Variants in POU6F1 observed in about 807,000 individuals in gnomAD.
POU6F1 encodes the protein POU domain, class 6, transcription factor 1.
POU6F1 carries 9 observed loss-of-function variants against 28.9 expected under a neutral mutation model. That is an observed-to-expected ratio of 0.31 (90% CI 0.19 to 0.54). The LOEUF is 0.54. POU6F1 is among the 20% of genes least tolerant of loss of function. The pLI is 0.94. For missense variants in POU6F1, 338 were observed against 426.1 expected, an observed-to-expected ratio of 0.79 and a Z score of 1.82; for synonymous variants, 173 against 171.1, an observed-to-expected ratio of 1.01 and a Z score of -0.09.
At chr12:51,215,627 T>C (rs901099088) in intron 1 of POU6F1, among the ~76,000 whole-genome samples, 9 of 150,140 alleles carry the variant, frequency 6.0e-5, no homozygotes, top group Admixed American at 6.6e-5. Flanking sequence ...CAGACCACAC[T>C]GGCCCCTTCC....
intron 5 of POU6F1, chr12:51,198,307 G>A (rs1942979549): frequency 2.5e-6 from 1 of 396,800 alleles, no homozygotes; most frequent in Non-Finnish European, 4.4e-6. Flanking sequence ...CGTGGGGGGA[G>A]AGGGGCAGTC....
intron 7 of POU6F1, among the ~76,000 whole-genome samples, chr12:51,196,459 G>A (rs919250895): frequency 2.6e-5 from 4 of 152,152 alleles, no homozygotes; most frequent in Non-Finnish European, 4.4e-5. Flanking sequence ...CTGAACCTCA[G>A]CCTTCTGTCT....
intron 1 of POU6F1, among the ~76,000 whole-genome samples, chr12:51,212,259 A>C (rs1944048830): frequency 6.6e-6 from 1 of 151,462 alleles, no homozygotes; most frequent in Non-Finnish European, 1.5e-5. Context: ...ATGCCCAGCT[A>C]ATTTTTGTAT....
In POU6F1 at chr12:51,204,262, T is replaced by A. The variant is rs960974582; in HGVS notation, c.155A>T (p.Glu52Val). 3.5e-5 allele frequency: 14 copies of A among 399,048 alleles called. No individual in the cohort carries two copies. The highest frequency in any genetic ancestry group is 2.5e-4 in the African/African-American group (12 of 48,720). 24.7% of individuals were successfully genotyped at this position (399,048 alleles called of 1,614,324 possible). A position where few individuals can be genotyped will look rare whatever the true frequency, so the allele number is the denominator to read the frequency against. The change falls in exon 3 of 11, where the codon GAG becomes GTG. Residue 52 changes from glutamate to valine, a missense_variant. Transcript: ENST00000333640. Reference sequence around the variant, plus strand: ...AGCAGGGTCTCCGCTCTGGGAGCCCTCGGCGGCCACACCCTCCAGTCCTTT... The same window carrying A: ...AGCAGGGTCTCCGCTCTGGGAGCCCACGGCGGCCACACCCTCCAGTCCTTT... The part of the protein sequence containing the change: ...ESKGLEGVAA[E>V]GSQSGDPAEA...
intron 10 of POU6F1, 139 bp downstream of exon 10, chr12:51,191,457 A>C (rs1230719638): frequency 1.9e-6 from 2 of 1,028,690 alleles, no homozygotes; most frequent in Non-Finnish European, 2.8e-6. Flanking sequence ...ATCTACCCTT[A>C]AGATGGTCTT....
In POU6F1 at chr12:51,196,075, C is replaced by A. The variant is rs1376179883; in HGVS notation, c.1074G>T (p.Leu358Phe). The change falls in exon 8 of 11, where the codon TTG becomes TTT. Residue 358 changes from leucine (L) to phenylalanine (F), a missense_variant. Coordinates refer to ENST00000333640, the MANE Select transcript of POU6F1 (RefSeq NM_001330422.2). Reference sequence around the variant, plus strand: ...CAATCACCTGGCCCTGGGCGTTCAACAACAGCTGGGGGGTCACGGCCTGGA... The same window carrying A: ...CAATCACCTGGCCCTGGGCGTTCAAAAACAGCTGGGGGGTCACGGCCTGGA... ...LQVQAVTPQL[L>F]LNAQGQVIAT... The A allele has an allele frequency of 6.2e-7, 1 of 1,607,748 alleles. No homozygotes were observed. Among genetic ancestry groups the A allele is most frequent in the African/African-American group, 1.3e-5 (1 of 74,776 alleles).
At chr12:51,208,723 G>T (rs1257188057) in intron 1 of POU6F1, among the ~76,000 whole-genome samples, 4 of 152,178 alleles carry the variant, frequency 2.6e-5, no homozygotes, top group Non-Finnish European at 4.4e-5. Context: ...GACTGCTTGA[G>T]CCCAGGAGTT....
chr12:51,189,032 C>T lies in POU6F1; in HGVS notation c.*1215G>A, dbSNP rs1190056593. The stretch of plus-strand genomic sequence containing the variant: ...GTCTAGAAGCAAAACTCAATCTGAT[C>T]TGGGGGTGTCCTTGGCTCAGAGGAC... On this transcript the variant is annotated 3_prime_UTR_variant, in exon 11 of 11. Coordinates refer to ENST00000333640, the MANE Select transcript of POU6F1 (RefSeq NM_001330422.2). 6.6e-6 allele frequency: 1 copy of T among 152,196 alleles called. No individual in the cohort carries two copies. Among genetic ancestry groups the T allele is most frequent in the Non-Finnish European group, 1.5e-5 (1 of 68,050 alleles). The allele number at this position is 152,196 out of a possible 1,614,324, so 9.4% of individuals were successfully genotyped here.
rs2137146566 is a variant in POU6F1 at position 51,199,908 on chromosome 12, C to T, written c.245-40G>A. 5.0e-6 allele frequency: 2 copies of T among 399,370 alleles called. No homozygotes were observed. The highest frequency in any genetic ancestry group is 7.1e-5 in the East Asian group (2 of 28,088). 24.7% of individuals were successfully genotyped at this position (399,370 alleles called of 1,614,324 possible). On this transcript the variant is annotated intron_variant, in intron 3 of 10. Coordinates refer to ENST00000333640, the MANE Select transcript of POU6F1 (RefSeq NM_001330422.2). The surrounding 1 kb of genome is among the most constrained non-coding windows in gnomAD (Gnocchi z 4.1). ...GAGAGAAAGAAGGACAAGGAGTGAG[C>T]CTGACGTGAGTGGAGGGGTCACCAC...
chr12:51,196,129 C>T lies in POU6F1; in HGVS notation c.1020G>A (p.Ala340=), dbSNP rs575728452. The change falls in exon 8 of 11, where the codon GCG becomes GCA. Residue 340 remains alanine, a synonymous_variant. Transcript: ENST00000333640. ...LPWVVNSASV[A]APAPAQSLQV... is the part of the protein sequence containing the mutation. The stretch of plus-strand genomic sequence containing the variant: ...GCAGGCTTTGGGCTGGTGCTGGGGC[C>T]GCCACACTAGCTGAGTTCACTACCC... The T allele has an allele frequency of 9.2e-5, 144 of 1,572,310 alleles. No individual in the cohort carries two copies. Among genetic ancestry groups the T allele is most frequent in the East Asian group, 2.3e-4 (10 of 44,120 alleles).
At chr12:51,212,062 GTTTTTTTTTTT>G (rs199581732) in intron 1 of POU6F1, among the ~76,000 whole-genome samples, 10,096 of 138,584 alleles carry the variant, frequency 0.073, 575 homozygotes, top group East Asian at 0.26. Context: ...CTTGCCTTTC[GTTTTTTTTTTT>G]GTTTTTTTTG....
In POU6F1 at chr12:51,191,607, T is replaced by C. The variant is rs1467014791; in HGVS notation, c.1479A>G (p.Ser493=). The C allele has an allele frequency of 6.2e-7, 1 of 1,613,190 alleles. No homozygotes were observed. The highest frequency in any genetic ancestry group is 1.1e-5 in the South Asian group (1 of 91,050). The change falls in exon 10 of 11, where the codon TCA becomes TCG. Residue 493 remains serine (S), a synonymous_variant. Coordinates refer to ENST00000333640, the MANE Select transcript of POU6F1 (RefSeq NM_001330422.2). ...GCAGCCTTACTCACCGGCAGATGGC[T>C]GACTGGCTGTAGGCTGGACCTTCCG... ...TATEGPAYSQ[S]AICRFEKLDI...
intron 1 of POU6F1, among the ~76,000 whole-genome samples, chr12:51,211,758 TAATA>T (rs762623599): frequency 2.6e-5 from 4 of 152,008 alleles, no homozygotes; most frequent in African/African-American, 4.8e-5. Flanking sequence ...ACCTTGTCCC[TAATA>T]AATAAATAAA....
At chr12:51,205,033 GC>G (rs1943481044) in intron 2 of POU6F1, among the ~76,000 whole-genome samples, 2 of 140,780 alleles carry the variant, frequency 1.4e-5, no homozygotes, top group African/African-American at 5.3e-5. Context: ...CTGGACTGCA[GC>G]TTTTTTTTTT....
Position 51,187,893 on chromosome 12 carries a change from T to C in POU6F1, c.*2354A>G, listed in dbSNP as rs528165153. 3 of 152,282 alleles carry C rather than the reference T, an allele frequency of 2.0e-5. No individual in the cohort carries two copies. The highest frequency in any genetic ancestry group is 3.9e-4 in the East Asian group (2 of 5,178). The allele number at this position is 152,282 out of a possible 1,614,324, so 9.4% of individuals were successfully genotyped here. On this transcript the variant is annotated 3_prime_UTR_variant, in exon 11 of 11. Transcript: ENST00000333640. ...TTTGTCTCTCTCAAAAAAGAAAGCA[T>C]ACCTGAATGCAAGCGTCTGAGCATG... is the stretch of plus-strand genomic sequence containing the variant.
At position 51,187,736 on chromosome 12, in the gene POU6F1, G is replaced by A. The variant is rs796722866; in HGVS notation, c.*2511C>T. On this transcript the variant is annotated 3_prime_UTR_variant, in exon 11 of 11. Transcript: ENST00000333640. The stretch of plus-strand genomic sequence containing the variant: ...GGGAGGGGCTGAGAAAGCATGGCCA[G>A]GCCTAATTTAGACCAGTGGTTCATG... The A allele has an allele frequency of 5.9e-5, 9 of 152,320 alleles. No individual in the cohort carries two copies. The highest frequency in any genetic ancestry group is 2.2e-4 in the African/African-American group (9 of 41,558). 9.4% of individuals were successfully genotyped at this position (152,320 alleles called of 1,614,324 possible). A position where few individuals can be genotyped will look rare whatever the true frequency, so the allele number is the denominator to read the frequency against.
intron 1 of POU6F1, among the ~76,000 whole-genome samples, chr12:51,214,344 G>A (rs1944178161): frequency 1.3e-5 from 2 of 152,048 alleles, no homozygotes; most frequent in African/African-American, 4.8e-5. Context: ...CAAGGGCACA[G>A]GAGAGTCAGT....
chr12:51,201,510 T>A (rs1407462476), intron 3 of POU6F1, among the ~76,000 whole-genome samples: 2 of 147,572 alleles, frequency 1.4e-5, no homozygotes, highest in African/African-American at 5.1e-5. Flanking sequence ...AGATGCTATC[T>A]CTACAGAAAA....
intron 2 of POU6F1, among the ~76,000 whole-genome samples, chr12:51,206,475 C>G (rs1430217292): frequency 2.5e-4 from 28 of 113,778 alleles, no homozygotes; most frequent in Admixed American, 7.7e-4. Flanking sequence ...TAGTAATTTG[C>G]AAAAAAAAAA....
Sources: allele counts gnomAD v4.1 joint callset (sites outside exome capture counted in the v4.1 genomes callset), GRCh38; gene constraint gnomAD v4.1.1; non-coding constraint Gnocchi (gnomAD v3.1); transcripts MANE v1.5; gene names NCBI Gene and HGNC (gene_info 2026-07-23, HGNC 2026-07-21).